Variants in BCAR1 observed in about 807,000 individuals in gnomAD.
BCAR1 encodes the protein BCAR1 scaffold protein, Cas family member, also known as breast cancer anti-estrogen resistance protein 1.
BCAR1 carries 30 observed loss-of-function variants against 67.6 expected under a neutral mutation model. The observed-to-expected ratio is 0.44, with a 90% CI of 0.33 to 0.60. The LOEUF is 0.60. Among genes scored for constraint, BCAR1 ranks in the 20% least tolerant of loss-of-function variants. BCAR1 has a pLI of 0.02. For synonymous variants in BCAR1, 626 were observed against 556.7 expected (o/e 1.12, Z -1.75); for missense variants, 1,313 against 1,222.3 (o/e 1.07, Z -1.11).
At chr16:75,265,976 G>T (rs923844750) in intron 1 of BCAR1, 18 of 1,059,194 alleles carry the variant, frequency 1.7e-5, no homozygotes, top group Middle Eastern at 8.6e-4. Context: ...CCGGACGCCG[G>T]ACTGTCCGGC....
intron 1 of BCAR1, among the ~76,000 whole-genome samples, chr16:75,260,130 GT>G (rs2151478756): frequency 6.6e-6 from 1 of 152,226 alleles, no homozygotes; most frequent in South Asian, 2.1e-4. Flanking sequence ...GGAGGAAGAG[GT>G]TGCAGTGAGC....
rs767982253 is a variant in BCAR1, at chr16:75,242,803, C to T, written c.300G>A (p.Thr100=). Residue 100 remains threonine, a synonymous_variant, in exon 2 of 7, where the codon ACG becomes ACA. Coordinates refer to ENST00000162330, the MANE Select transcript of BCAR1 (RefSeq NM_014567.5). ...GCTGGTAGGTGTTGGGGAGCATGGGCGTGTACTGGGAGGCCGGAGGCGCTG... is the reference window on the plus strand; with the variant it reads ...GCTGGTAGGTGTTGGGGAGCATGGGTGTGTACTGGGAGGCCGGAGGCGCTG... ...HAPAPPASQY[T]PMLPNTYQPQ... 3.2e-5 allele frequency: 51 copies of T among 1,602,402 alleles called. No homozygotes were observed. Among genetic ancestry groups the T allele is most frequent in the Admixed American group, 1.5e-4 (9 of 59,318 alleles).
chr16:75,236,097 C>G, intron 4 of BCAR1, 111 bp from the exon 5 acceptor site: 5 of 1,354,350 alleles, frequency 3.7e-6, no homozygotes, highest in Non-Finnish European at 4.9e-6. Flanking sequence ...TACAGACACA[C>G]ACACAGAGGC....
At chr16:75,245,899 C>T (rs1221350971) in intron 1 of BCAR1, 1 of 150,692 alleles carries the variant, frequency 6.6e-6, no homozygotes, top group African/African-American at 2.4e-5. Context: ...TGGGCAAATC[C>T]CTTAGCCTCT....
At chr16:75,252,418 A>G (rs989331488), upstream of BCAR1, 4 of 1,450,998 alleles carry the variant, frequency 2.8e-6, no homozygotes, top group Admixed American at 4.9e-5. Flanking sequence ...TGAGGGAGAT[A>G]GAAGGAAGAA....
chr16:75,264,288 A>G, intron 1 of BCAR1: 1 of 1,397,248 alleles, frequency 7.2e-7, no homozygotes, highest in South Asian at 1.6e-5. Context: ...CTCCCCATAG[A>G]GGCCCGCCCA....
At chr16:75,251,990 C>A, upstream of BCAR1, 4 of 618,110 alleles carry the variant, frequency 6.5e-6, no homozygotes, top group Non-Finnish European at 1.1e-5. Flanking sequence ...GACATGGCCT[C>A]AAGTCGACTT....
At chr16:75,238,229 C>T in intron 2 of BCAR1, 1 of 1,181,612 alleles carries the variant, frequency 8.5e-7, no homozygotes, top group Non-Finnish European at 1.1e-6. Flanking sequence ...AGCCTCCTTC[C>T]CTGAAGGTCT....
chr16:75,265,945 TC>T (rs1567628966), intron 1 of BCAR1: 1 of 1,083,574 alleles, frequency 9.2e-7, no homozygotes, highest in East Asian at 6.3e-5. Context: ...GCTTTCCGGC[TC>T]CTCCGGCTCC....
At position 75,235,847 on chromosome 16, in the gene BCAR1, G is replaced by T. The variant is rs1269033040; in HGVS notation, c.1052C>A (p.Pro351His). The T allele has an allele frequency of 6.4e-7, 1 of 1,568,984 alleles. No homozygotes were observed. The change falls in exon 5 of 7, where the codon CCC (proline) becomes CAC (histidine). Residue 351 changes from proline to histidine, a missense_variant. Physicochemically the swap from Pro to His is moderately conservative, Grantham distance 77 (BLOSUM62 -2). Around this residue, in one of 2 missense-constraint regions of BCAR1, gnomAD observed 1,272 missense variants for 1,137.5 expected, o/e 1.12. Coordinates refer to ENST00000162330, the MANE Select transcript of BCAR1 (RefSeq NM_014567.5). ...PARTPLVLAA[P>H]PPDSPPAEDV... is the part of the protein sequence containing the mutation. ...CTCGGCCGGCGGGGAGTCTGGAGGG[G>T]GCGCAGCCAGTACCAGTGGGGTGCG...
chr16:75,235,348 C>T lies in BCAR1; in HGVS notation c.1551G>A (p.Glu517=). ...AVAAVQSAVH[E]LLEFARSAVG... is the part of the protein sequence containing the mutation. ...CCGCGCTGCGGGCAAACTCCAACAG[C>T]TCGTGGACGGCACTCTGGACAGCGG... Residue 517 remains glutamate, a synonymous_variant, in exon 5 of 7, where the codon GAG becomes GAA. Transcript: ENST00000162330. 1 of 1,602,156 alleles carries T rather than the reference C, an allele frequency of 6.2e-7. No individual in the cohort carries two copies. The highest frequency in any genetic ancestry group is 2.2e-5 in the East Asian group (1 of 44,608).
In BCAR1 at chr16:75,242,866, G is replaced by A. The variant is rs773566720; in HGVS notation, c.237C>T (p.Pro79=). The change falls in exon 2 of 7, where the codon CCC becomes CCT. Residue 79 remains proline (P), a synonymous_variant. Transcript: ENST00000162330. ...CAGGCTGAGGCTGGGCCGGGGTGGC[G>A]GGAGGGCCGGGGCCAGGCCCTGCTG... is the stretch of plus-strand genomic sequence containing the variant. ...KKPAGPGPGP[P]ATPAQPQPGL... 49 of 1,609,482 alleles carry A rather than the reference G, an allele frequency of 3.0e-5. 1 individual carries two copies. Among genetic ancestry groups the A allele is most frequent in the Middle Eastern group, 1.7e-4 (1 of 5,740 alleles).
upstream of BCAR1, chr16:75,251,978 G>A (rs534072324): frequency 4.0e-5 from 24 of 604,372 alleles, no homozygotes; most frequent in Non-Finnish European, 6.3e-5. Context: ...CTCCAGAGCC[G>A]AGACATGGCC....
intron 1 of BCAR1, among the ~76,000 whole-genome samples, chr16:75,258,621 C>T (rs911228658): frequency 2.6e-5 from 4 of 152,132 alleles, no homozygotes; most frequent in African/African-American, 9.7e-5. Flanking sequence ...GGCTTCTCTG[C>T]GGAGGTGACA....
At chr16:75,241,761 G>A (rs925354022) in intron 2 of BCAR1, among the ~76,000 whole-genome samples, 1 of 152,214 alleles carries the variant, frequency 6.6e-6, no homozygotes, top group African/African-American at 2.4e-5. Flanking sequence ...CTCCACCTCA[G>A]CCCTGGGCTG....
chr16:75,248,362 G>A, intron 1 of BCAR1: 2 of 1,278,866 alleles, frequency 1.6e-6, no homozygotes, highest in Admixed American at 3.4e-5. Flanking sequence ...ACAAACTTGG[G>A]CCAAGTTTAT....
intron 6 of BCAR1, 130 bp downstream of exon 6, chr16:75,233,716 C>T (rs534938150): frequency 2.2e-5 from 20 of 893,716 alleles, no homozygotes; most frequent in Non-Finnish European, 3.0e-5. Flanking sequence ...GGTGGCAGGC[C>T]GGGCCCAGCT....
chr16:75,241,871 T>C (rs1325003882), intron 2 of BCAR1, among the ~76,000 whole-genome samples: 1 of 152,088 alleles, frequency 6.6e-6, no homozygotes, highest in Non-Finnish European at 1.5e-5. Flanking sequence ...CCAGAGGTCT[T>C]GTCCCCAGGC....
rs764998487 is a variant in BCAR1, at chr16:75,229,858, T to G, written c.2266A>C (p.Thr756Pro). 2.5e-6 allele frequency: 4 copies of G among 1,613,276 alleles called. No individual in the cohort carries two copies. In the Admixed American group the frequency reaches 5.0e-5, roughly 20 times the overall value. ...GCGTCCACGGCGTTGGTCAGTGTGG[T>G]CAGGTTGGCCTCACACTGCTCCAGG... is the stretch of plus-strand genomic sequence containing the variant. ...FYLEQCEANL[T>P]TLTNAVDAFF... The change falls in exon 7 of 7, where the codon ACC becomes CCC. Residue 756 changes from threonine to proline, a missense_variant. This residue lies in a region of BCAR1 where 1,272 missense variants were observed against 1,137.5 expected (regional missense o/e 1.12). Coordinates refer to ENST00000162330, the MANE Select transcript of BCAR1 (RefSeq NM_014567.5).
Sources: allele counts gnomAD v4.1 joint callset (sites outside exome capture counted in the v4.1 genomes callset), GRCh38; gene constraint gnomAD v4.1.1; regional missense constraint gnomAD v4.1.1; transcripts MANE v1.5; gene names NCBI Gene and HGNC (gene_info 2026-07-23, HGNC 2026-07-21).